Variants in SRGAP2 observed in about 807,000 individuals in gnomAD.
The protein encoded by SRGAP2 is SLIT-ROBO Rho GTPase activating protein 2.
A neutral mutation model predicts 57.2 loss-of-function variants in SRGAP2; 15 were observed. The observed-to-expected ratio is 0.26, with a 90% confidence interval of 0.18 to 0.40. The LOEUF (loss-of-function observed/expected upper bound fraction) is 0.40, where lower values mean the gene tolerates loss of function less well. Among genes scored for constraint, SRGAP2 ranks in the 10% least tolerant of loss-of-function variants. The pLI is 1.00. For missense variants in SRGAP2, 520 were observed against 669.6 expected, an observed-to-expected ratio of 0.78 and a Z score of 2.47; for synonymous variants, 249 against 248.0, an observed-to-expected ratio of 1.00 and a Z score of -0.04.
At chr1:206,311,262 C>T (rs1437977631) in intron 3 of SRGAP2, among the ~76,000 whole-genome samples, 1 of 152,006 alleles carries the variant, frequency 6.6e-6, no homozygotes, top group Admixed American at 6.5e-5. Flanking sequence ...GGGGGACAAT[C>T]AGCAGCATCT....
intron 7 of SRGAP2, among the ~76,000 whole-genome samples, chr1:206,401,198 C>G (rs1658118873): frequency 6.6e-6 from 1 of 152,238 alleles, no homozygotes; most frequent in Admixed American, 6.5e-5. Context: ...GAATCTTCTT[C>G]CTCCTAACCG....
chr1:206,229,865 A>T lies in SRGAP2; in HGVS notation c.67+23828A>T, dbSNP rs1667512242. Among the ~76,000 whole-genome samples the T allele has an allele frequency of 3.3e-5, 5 of 151,790 alleles. No individual in the cohort carries two copies. In the South Asian group the frequency reaches 1.0e-3, roughly 32 times the overall value. On this transcript the variant is annotated intron_variant, in intron 2 of 22. Coordinates refer to ENST00000573034, the MANE Select transcript of SRGAP2 (RefSeq NM_015326.5). Reference sequence around the variant, plus strand: ...ACTTACTGGGCTGTGGAGGCAGTCTACAACAGGCAGTTGCAGCAGTTCTTC... The same window carrying T: ...ACTTACTGGGCTGTGGAGGCAGTCTTCAACAGGCAGTTGCAGCAGTTCTTC...
At chr1:206,268,075 ATATATATTTTTT>A (rs1332349150) in intron 2 of SRGAP2, among the ~76,000 whole-genome samples, 1 of 143,214 alleles carries the variant, frequency 7.0e-6, no homozygotes, top group Non-Finnish European at 1.5e-5. Flanking sequence ...TGGACTATAT[ATATATATTTTTT>A]TTTTTTTTTA....
intron 2 of SRGAP2, among the ~76,000 whole-genome samples, chr1:206,227,143 A>T (rs1408126482): frequency 6.6e-6 from 1 of 150,630 alleles, no homozygotes; most frequent in African/African-American, 2.5e-5. Flanking sequence ...GGTCATACCA[A>T]TCACACTATT....
chr1:206,352,884 C>T (rs1462600699), intron 4 of SRGAP2, among the ~76,000 whole-genome samples: 4 of 152,120 alleles, frequency 2.6e-5, no homozygotes, highest in Non-Finnish European at 5.9e-5. Flanking sequence ...TGCATGATTA[C>T]AGCTCACTGT....
Position 206,391,942 on chromosome 1 carries a change from G to A in SRGAP2, c.487-747G>A, listed in dbSNP as rs536230897. Reference sequence around the variant, plus strand: ...TGGCAATTCCAGTTATACTTGATATGGATTTTATTCCTTCCCAGACTCTTA... The same window carrying A: ...TGGCAATTCCAGTTATACTTGATATAGATTTTATTCCTTCCCAGACTCTTA... On this transcript the variant is annotated intron_variant, in intron 5 of 22. Transcript: ENST00000573034. Among the ~76,000 whole-genome samples, 345 of 149,712 alleles carry A rather than the reference G, an allele frequency of 2.3e-3. 4 individuals are homozygous for A. The South Asian group carries it at 0.037, about 16-fold the overall frequency.
intron 13 of SRGAP2, among the ~76,000 whole-genome samples, chr1:206,426,496 A>T (rs143694188): frequency 9.1e-4 from 138 of 152,350 alleles, no homozygotes; most frequent in African/African-American, 3.1e-3. Context: ...TATAGCCAGC[A>T]GTGGGCCTGC....
chr1:206,453,301 G>A lies in SRGAP2; in HGVS notation c.2281G>A (p.Ala761Thr). 1.3e-6 allele frequency: 1 copy of A among 761,250 alleles called. No homozygotes were observed. The highest frequency in any genetic ancestry group is 2.5e-6 in the Non-Finnish European group (1 of 408,016). The allele number at this position is 761,250 out of a possible 1,614,324, so 47.2% of individuals were successfully genotyped here. Residue 761 changes from alanine (A) to threonine (T), a missense_variant, in exon 20 of 23, where the codon GCT becomes ACT. Ala to Thr is a moderately conservative substitution (Grantham distance 58). Coordinates refer to ENST00000573034, the MANE Select transcript of SRGAP2 (RefSeq NM_015326.5). ...AGCATCCCTGCTGCTTTACCAGCGG[G>A]CTTCCGACGACTGGTGGGAAGGCCG... ...KGASLLLYQR[A>T]SDDWWEGRHN... is the part of the protein sequence containing the mutation.
chr1:206,319,227 C>T (rs537561251), intron 3 of SRGAP2, among the ~76,000 whole-genome samples: 2,024 of 146,208 alleles, frequency 0.014, 42 homozygotes, highest in African/African-American at 0.052. Context: ...CTGGCTAATA[C>T]GGCGAAACCC....
chr1:206,322,685 G>T (rs1673556598), intron 3 of SRGAP2, among the ~76,000 whole-genome samples: 2 of 145,900 alleles, frequency 1.4e-5, no homozygotes, highest in South Asian at 2.2e-4. Context: ...TAGCCTTGAG[G>T]GCCAAGACAC....
intron 2 of SRGAP2, among the ~76,000 whole-genome samples, chr1:206,285,755 C>T (rs1298135875): frequency 1.3e-5 from 2 of 151,654 alleles, no homozygotes; most frequent in Non-Finnish European, 2.9e-5. Flanking sequence ...GCAATCTTTG[C>T]CTTGTGGGCT....
chr1:206,383,437 A>G (rs1282554551), intron 4 of SRGAP2, among the ~76,000 whole-genome samples: 3 of 151,906 alleles, frequency 2.0e-5, no homozygotes, highest in African/African-American at 4.8e-5. Flanking sequence ...ACCCCTTAAC[A>G]TATATTTTCA....
intron 10 of SRGAP2, among the ~76,000 whole-genome samples, chr1:206,413,061 A>G (rs1210942102): frequency 6.6e-6 from 1 of 152,242 alleles, no homozygotes; most frequent in Non-Finnish European, 1.5e-5. Flanking sequence ...TCATCAAGTG[A>G]TAGCCAGAGT....
rs1214649258 is a variant in SRGAP2, at chr1:206,342,107, GAC to G, written c.261-737_261-736del. 2.0e-5 allele frequency among the ~76,000 whole-genome samples: 3 copies of G among 152,226 alleles called. No homozygotes were observed. In the East Asian group the frequency reaches 5.8e-4, roughly 29 times the overall value. ...ATGGTTTGTGTTCTTGATTGTATGG[GAC>G]ATGAGATCATGGCTCAATAAATGAA... is the stretch of plus-strand genomic sequence containing the variant. On this transcript the variant is annotated intron_variant, in intron 3 of 22. Coordinates refer to ENST00000573034, the MANE Select transcript of SRGAP2 (RefSeq NM_015326.5).
chr1:206,341,722 G>A (rs1392539788), intron 3 of SRGAP2, among the ~76,000 whole-genome samples: 4 of 152,160 alleles, frequency 2.6e-5, no homozygotes, highest in African/African-American at 7.2e-5. Context: ...CTAGGGCTGG[G>A]CGCGGTGGCT....
chr1:206,255,129 C>T (rs1167808403), intron 2 of SRGAP2, among the ~76,000 whole-genome samples: 1 of 131,956 alleles, frequency 7.6e-6, no homozygotes, highest in African/African-American at 2.9e-5. Flanking sequence ...TATCTGAAAC[C>T]CTTCCTCACC....
At chr1:206,427,791 G>T (rs1026156834) in intron 13 of SRGAP2, among the ~76,000 whole-genome samples, 1 of 152,140 alleles carries the variant, frequency 6.6e-6, no homozygotes, top group Non-Finnish European at 1.5e-5. Flanking sequence ...CTGAATTATT[G>T]TACATTCAGC....
chr1:206,418,926 G>GTGTGTT (rs1553363237), intron 11 of SRGAP2, among the ~76,000 whole-genome samples: 65 of 150,546 alleles, frequency 4.3e-4, no homozygotes, highest in Non-Finnish European at 7.1e-4. Flanking sequence ...GTGTGTGTGT[G>GTGTGTT]TGTGTGTGTG....
intron 2 of SRGAP2, among the ~76,000 whole-genome samples, chr1:206,226,422 G>T (rs1195299246): frequency 6.6e-6 from 1 of 151,862 alleles, no homozygotes; most frequent in African/African-American, 2.4e-5. Context: ...AGAGTTTTAC[G>T]CCACAGTTTG....
Sources: allele counts gnomAD v4.1 joint callset (sites outside exome capture counted in the v4.1 genomes callset), GRCh38; gene constraint gnomAD v4.1.1; transcripts MANE v1.5; gene names NCBI Gene and HGNC (gene_info 2026-07-23, HGNC 2026-07-21).